Variants in GALNT7 observed in about 807,000 individuals in gnomAD.
GALNT7 encodes the protein N-acetylgalactosaminyltransferase 7.
Under a neutral mutation model 82.1 loss-of-function variants are expected in GALNT7, and 60 were observed. The observed-to-expected ratio is 0.73, with a 90% CI of 0.59 to 0.91. GALNT7 has a LOEUF of 0.91. Among genes scored for constraint, GALNT7 ranks in the 40% least tolerant of loss-of-function variants. The pLI is 0.00. For synonymous variants in GALNT7, 243 were observed against 275.1 expected, an observed-to-expected ratio of 0.88 and a Z score of 1.15; for missense variants, 660 against 804.2, an observed-to-expected ratio of 0.82 and a Z score of 2.17.
At chr4:173,195,168 C>T (rs919652302) in intron 1 of GALNT7, among the ~76,000 whole-genome samples, 4 of 152,150 alleles carry the variant, frequency 2.6e-5, no homozygotes, top group African/African-American at 9.7e-5. Context: ...GATGAAGTGT[C>T]CTTAAACAAG....
chr4:173,250,525 G>T (rs1338519689), intron 2 of GALNT7, among the ~76,000 whole-genome samples: 1 of 151,998 alleles, frequency 6.6e-6, no homozygotes, highest in Non-Finnish European at 1.5e-5. Context: ...TCTGAGGTCC[G>T]CTTCTTTCCT....
intron 2 of GALNT7, among the ~76,000 whole-genome samples, chr4:173,256,799 A>G (rs992293964): frequency 1.3e-5 from 2 of 152,160 alleles, no homozygotes; most frequent in African/African-American, 2.4e-5. Context: ...GATATTTTCT[A>G]TATTTTAGAT....
rs1166927569 is a variant in GALNT7, at chr4:173,180,366, C to CATG, written c.126+11406_126+11408dup. Reference sequence around the variant, plus strand: ...TTTTGAGATGGAGTTACACTGTTGTCATGCAGGCCGGAGTGCAATGGCACA... The same window carrying CATG: ...TTTTGAGATGGAGTTACACTGTTGTCATGATGCAGGCCGGAGTGCAATGGCACA... On this transcript the variant is annotated intron_variant, in intron 1 of 11. Coordinates refer to ENST00000265000, the MANE Select transcript of GALNT7 (RefSeq NM_017423.3). 9.8e-5 allele frequency among the ~76,000 whole-genome samples: 12 copies of CATG among 121,902 alleles called. No individual in the cohort carries two copies. In the East Asian group the frequency reaches 3.3e-3, roughly 33 times the overall value. The allele number at this position is 121,902 out of a possible 152,430, so 80.0% of individuals were successfully genotyped here.
At chr4:173,180,923 A>G (rs917214093) in intron 1 of GALNT7, among the ~76,000 whole-genome samples, 5 of 152,218 alleles carry the variant, frequency 3.3e-5, no homozygotes, top group Non-Finnish European at 7.3e-5. Flanking sequence ...GTGCCTTTAC[A>G]GTCTGTTTGC....
intron 2 of GALNT7, among the ~76,000 whole-genome samples, chr4:173,250,874 C>T (rs1359388097): frequency 6.6e-6 from 1 of 152,156 alleles, no homozygotes; most frequent in Non-Finnish European, 1.5e-5. Flanking sequence ...AATGCTTGTT[C>T]CTTTCTTCCC....
intron 2 of GALNT7, among the ~76,000 whole-genome samples, chr4:173,255,918 C>A (rs1380653094): frequency 6.6e-6 from 1 of 152,142 alleles, no homozygotes; most frequent in Non-Finnish European, 1.5e-5. Context: ...TACAGGCTGT[C>A]TACTACAATA....
intron 8 of GALNT7, among the ~76,000 whole-genome samples, chr4:173,311,674 C>A (rs898143258): frequency 6.6e-6 from 1 of 152,170 alleles, no homozygotes; most frequent in African/African-American, 2.4e-5. Flanking sequence ...GTAAATCATT[C>A]ATGGAGGATC....
intron 1 of GALNT7, among the ~76,000 whole-genome samples, chr4:173,181,598 A>G (rs1349860590): frequency 6.6e-6 from 1 of 152,218 alleles, no homozygotes; most frequent in Non-Finnish European, 1.5e-5. Context: ...TGGCACATGT[A>G]ACACTTCTAT....
chr4:173,187,806 T>C (rs1369977371), intron 1 of GALNT7, among the ~76,000 whole-genome samples: 2 of 152,218 alleles, frequency 1.3e-5, no homozygotes, highest in African/African-American at 4.8e-5. Context: ...TTAGTCTTAC[T>C]CCTATAGTCT....
intron 1 of GALNT7, among the ~76,000 whole-genome samples, chr4:173,183,856 G>C (rs1488555213): frequency 6.6e-6 from 1 of 150,836 alleles, no homozygotes; most frequent in Non-Finnish European, 1.5e-5. Flanking sequence ...GCGGCTGCCG[G>C]GCGGAGACGC....
chr4:173,201,968 A>G (rs1732958996), intron 1 of GALNT7, among the ~76,000 whole-genome samples: 2 of 152,312 alleles, frequency 1.3e-5, no homozygotes, highest in Middle Eastern at 3.4e-3. Context: ...ATCAATCCAA[A>G]AGAAAACACA....
intron 11 of GALNT7, among the ~76,000 whole-genome samples, chr4:173,319,821 G>A (rs925278210): frequency 2.0e-5 from 3 of 152,058 alleles, no homozygotes; most frequent in Non-Finnish European, 4.4e-5. Flanking sequence ...TGCAAAAATA[G>A]AGATAAGCAA....
intron 1 of GALNT7, among the ~76,000 whole-genome samples, chr4:173,182,679 C>T (rs990326165): frequency 9.9e-5 from 15 of 150,976 alleles, no homozygotes; most frequent in Non-Finnish European, 1.3e-4. Flanking sequence ...CACACACACA[C>T]ACACACACAC....
chr4:173,183,250 C>T (rs1416180725), intron 1 of GALNT7, among the ~76,000 whole-genome samples: 1 of 151,900 alleles, frequency 6.6e-6, no homozygotes, highest in East Asian at 1.9e-4. Flanking sequence ...TCTCTGTGCA[C>T]CCCCTCCCAC....
chr4:173,249,351 G>T (rs1476719705), intron 2 of GALNT7, among the ~76,000 whole-genome samples: 1 of 152,104 alleles, frequency 6.6e-6, no homozygotes, highest in Admixed American at 6.5e-5. Context: ...CTATTCACCA[G>T]CATTCTTTAT....
chr4:173,303,787 G>A (rs1446347393), intron 7 of GALNT7, among the ~76,000 whole-genome samples: 1 of 152,190 alleles, frequency 6.6e-6, no homozygotes, highest in Admixed American at 6.5e-5. Context: ...CTTAGTAGCA[G>A]TTTATTATTA....
intron 1 of GALNT7, among the ~76,000 whole-genome samples, chr4:173,214,601 T>C (rs1185068686): frequency 2.0e-5 from 3 of 152,206 alleles, no homozygotes; most frequent in Non-Finnish European, 4.4e-5. Flanking sequence ...AGATGAGCCA[T>C]GGGAACAGTG....
At chr4:173,214,951 G>A (rs552285186) in intron 1 of GALNT7, among the ~76,000 whole-genome samples, 30 of 152,136 alleles carry the variant, frequency 2.0e-4, no homozygotes, top group Non-Finnish European at 3.8e-4. Flanking sequence ...TGACTGCCTT[G>A]GTGATGGCCA....
chr4:173,210,994 C>G (rs1157576832), intron 1 of GALNT7, among the ~76,000 whole-genome samples: 1 of 151,846 alleles, frequency 6.6e-6, no homozygotes, highest in African/African-American at 2.4e-5. Context: ...AATGTATCAG[C>G]GTGTAATCAA....
Sources: allele counts gnomAD v4.1 joint callset (sites outside exome capture counted in the v4.1 genomes callset), GRCh38; gene constraint gnomAD v4.1.1; transcripts MANE v1.5; gene names NCBI Gene and HGNC (gene_info 2026-07-23, HGNC 2026-07-21).